The following CTNNA2 variants were observed in gnomAD, a reference collection of about 807,000 sequenced individuals.
CTNNA2 encodes the protein catenin alpha-2.
Under a neutral mutation model 101.0 loss-of-function variants are expected in CTNNA2, and 42 were observed. The observed-to-expected ratio is 0.42, with a 90% CI of 0.32 to 0.54. CTNNA2 has a LOEUF of 0.54. CTNNA2 is among the 20% of genes least tolerant of loss of function. The pLI is 0.14. For missense variants in CTNNA2, 871 were observed against 1,223.1 expected, an observed-to-expected ratio of 0.71 and a Z score of 4.29; for synonymous variants, 450 against 456.4, an observed-to-expected ratio of 0.99 and a Z score of 0.18.
chr2:80,325,086 A>G (rs1394455300), intron 7 of CTNNA2, among the ~76,000 whole-genome samples: 1 of 152,224 alleles, frequency 6.6e-6, no homozygotes, highest in Admixed American at 6.5e-5. Context: ...CCCACCTAGA[A>G]GAATGCAAGG....
At chr2:80,343,973 G>T (rs1234097190) in intron 7 of CTNNA2, among the ~76,000 whole-genome samples, 1 of 152,012 alleles carries the variant, frequency 6.6e-6, no homozygotes, top group East Asian at 1.9e-4. Flanking sequence ...AACTTCTTAA[G>T]GGAAGAGCTA....
At chr2:79,877,801 A>G (rs1476479901) in intron 6 of CTNNA2, among the ~76,000 whole-genome samples, 3 of 152,204 alleles carry the variant, frequency 2.0e-5, no homozygotes, top group Admixed American at 1.3e-4. Flanking sequence ...AATGCAAAAT[A>G]TATTTTCATA....
At chr2:80,337,084 G>A (rs1424127898) in intron 7 of CTNNA2, among the ~76,000 whole-genome samples, 1 of 152,092 alleles carries the variant, frequency 6.6e-6, no homozygotes, top group Admixed American at 6.6e-5. Context: ...AGCTGGGCAC[G>A]GTGGCTTACC....
intron 7 of CTNNA2, among the ~76,000 whole-genome samples, chr2:80,351,922 C>G (rs1244515190): frequency 6.6e-6 from 1 of 152,066 alleles, no homozygotes; most frequent in African/African-American, 2.4e-5. Flanking sequence ...ATTAGCCACT[C>G]AATTTTATAG....
chr2:79,585,987 A>C (rs997536819), intron 1 of CTNNA2, among the ~76,000 whole-genome samples: 6 of 152,152 alleles, frequency 3.9e-5, no homozygotes, highest in South Asian at 2.1e-4. Context: ...GAACCTAAAA[A>C]AGACTCAGAA....
intron 9 of CTNNA2, among the ~76,000 whole-genome samples, chr2:80,490,286 C>CA (rs1553535568): frequency 2.9e-4 from 26 of 88,930 alleles, no homozygotes; most frequent in East Asian, 2.9e-3. Flanking sequence ...CCCCACCCCC[C>CA]CCCCGGTAAA....
chr2:80,373,142 G>C (rs1281287250), intron 7 of CTNNA2, among the ~76,000 whole-genome samples: 4 of 140,136 alleles, frequency 2.9e-5, no homozygotes, highest in Non-Finnish European at 6.6e-5. Flanking sequence ...ATCAGGACCT[G>C]ATCATTCTAT....
chr2:80,300,949 GA>G lies in CTNNA2; in HGVS notation c.1057-92250del, dbSNP rs34426087. Among the ~76,000 whole-genome samples the G allele has an allele frequency of 2.2e-3, 280 of 129,922 alleles. 1 individual carries two copies. Among genetic ancestry groups the G allele is most frequent in the Middle Eastern group, 7.9e-3 (2 of 254 alleles). 85.2% of individuals were successfully genotyped at this position (129,922 alleles called of 152,430 possible). A position where few individuals can be genotyped will look rare whatever the true frequency, so the allele number is the denominator to read the frequency against. On this transcript the variant is annotated intron_variant, in intron 7 of 18. Transcript: ENST00000402739. ...AGGAGCAATCATCACTCTCAACACA[GA>G]AAAAAAAAAAAGGGAAAGCAAGCAT...
chr2:79,887,760 G>C (rs1344855763), intron 6 of CTNNA2, among the ~76,000 whole-genome samples: 4 of 152,144 alleles, frequency 2.6e-5, no homozygotes, highest in African/African-American at 9.7e-5. Context: ...ATCAGTAACT[G>C]ATGCTTAGTG....
intron 3 of CTNNA2, among the ~76,000 whole-genome samples, chr2:79,822,643 T>A (rs150209182): frequency 2.2e-3 from 330 of 152,148 alleles, no homozygotes; most frequent in African/African-American, 7.6e-3. Flanking sequence ...CACCTCCAAT[T>A]CCAAATCCCT....
intron 7 of CTNNA2, among the ~76,000 whole-genome samples, chr2:80,322,793 C>T (rs2149248756): frequency 1.3e-5 from 2 of 152,296 alleles, no homozygotes; most frequent in South Asian, 4.1e-4. Context: ...ACTCGGGGGC[C>T]ATACTCCAAA....
intron 3 of CTNNA2, among the ~76,000 whole-genome samples, chr2:79,365,816 A>G (rs1677737734): frequency 6.6e-6 from 1 of 152,150 alleles, no homozygotes; most frequent in South Asian, 2.1e-4. Flanking sequence ...TCCTGCCAAG[A>G]GAGCCCAGGG....
intron 7 of CTNNA2, among the ~76,000 whole-genome samples, chr2:80,097,637 G>C (rs1388142139): frequency 6.6e-6 from 1 of 152,142 alleles, no homozygotes; most frequent in East Asian, 1.9e-4. Context: ...TCACTTTCAG[G>C]TACACCAATC....
intron 17 of CTNNA2, among the ~76,000 whole-genome samples, chr2:80,609,286 G>A (rs1698267836): frequency 6.6e-6 from 1 of 151,756 alleles, no homozygotes; most frequent in Non-Finnish European, 1.5e-5. Context: ...TGGCCATTTG[G>A]TAAAAACACG....
intron 7 of CTNNA2, among the ~76,000 whole-genome samples, chr2:80,378,391 T>C (rs1406930855): frequency 6.7e-6 from 1 of 148,862 alleles, no homozygotes; most frequent in Non-Finnish European, 1.5e-5. Context: ...AATAAATAAA[T>C]AAATAAATAA....
At chr2:79,204,321 T>A (rs193001281) in intron 2 of CTNNA2, among the ~76,000 whole-genome samples, 1 of 152,366 alleles carries the variant, frequency 6.6e-6, no homozygotes, top group East Asian at 1.9e-4. Flanking sequence ...TTTCTTTTGT[T>A]ATGCTCTGGC....
chr2:80,390,440 C>A (rs891959170), intron 7 of CTNNA2, among the ~76,000 whole-genome samples: 1 of 152,178 alleles, frequency 6.6e-6, no homozygotes, highest in Non-Finnish European at 1.5e-5. Flanking sequence ...GTGTGTTTTA[C>A]AGTTGCAGGA....
At chr2:79,223,417 A>G (rs1319450767) in intron 2 of CTNNA2, among the ~76,000 whole-genome samples, 1 of 152,134 alleles carries the variant, frequency 6.6e-6, no homozygotes, top group Non-Finnish European at 1.5e-5. Context: ...TTCCATCTTC[A>G]GTTTATGAAT....
At chr2:80,513,165 G>C (rs905383192) in intron 9 of CTNNA2, among the ~76,000 whole-genome samples, 3 of 152,112 alleles carry the variant, frequency 2.0e-5, no homozygotes, top group African/African-American at 7.2e-5. Context: ...CCACACCAGA[G>C]GGGGGTCCTA....
Sources: allele counts gnomAD v4.1 joint callset (sites outside exome capture counted in the v4.1 genomes callset), GRCh38; gene constraint gnomAD v4.1.1; transcripts MANE v1.5; gene names NCBI Gene and HGNC (gene_info 2026-07-23, HGNC 2026-07-21).